The following GBF1 variants were observed in gnomAD, a reference collection of about 807,000 sequenced individuals.
GBF1 encodes Golgi-specific brefeldin A-resistance guanine nucleotide exchange factor 1.
Under a neutral mutation model 210.5 loss-of-function variants are expected in GBF1, and 114 were observed. The observed-to-expected ratio is 0.54, with a 90% confidence interval of 0.47 to 0.63. The LOEUF is 0.63. GBF1 is among the 30% of genes least tolerant of loss of function. The pLI, the probability that GBF1 is intolerant of heterozygous loss-of-function variation, is 0.00. For missense variants in GBF1, 1,851 were observed against 2,357.7 expected (o/e 0.79, Z 4.45); for synonymous variants, 850 against 889.2 (o/e 0.96, Z 0.78).
chr10:102,366,960 G>A lies in GBF1; in HGVS notation c.2434-125G>A. On this transcript the variant is annotated intron_variant, in intron 19 of 39. Transcript: ENST00000369983. The surrounding 1 kb of genome is among the most constrained non-coding windows in gnomAD (Gnocchi z 4.0). Reference sequence around the variant, plus strand: ...GAGATCAGCTTCTGTTAAGGAGTTGGCAAGAGACTGGCCACTTTCTGGATG... The same window carrying A: ...GAGATCAGCTTCTGTTAAGGAGTTGACAAGAGACTGGCCACTTTCTGGATG... The A allele has an allele frequency of 2.0e-6, 2 of 1,018,622 alleles. No homozygotes were observed. The highest frequency in any genetic ancestry group is 2.4e-5 in the East Asian group (1 of 41,494). 63.1% of individuals were successfully genotyped at this position (1,018,622 alleles called of 1,614,324 possible).
At chr10:102,337,256 T>TAA (rs1326506525) in intron 3 of GBF1, among the ~76,000 whole-genome samples, 1 of 132,794 alleles carries the variant, frequency 7.5e-6, no homozygotes, top group East Asian at 2.2e-4. Flanking sequence ...TGGGCGCCTG[T>TAA]AGTCCCAGGT....
chr10:102,291,624 T>C (rs1054006312), intron 3 of GBF1, among the ~76,000 whole-genome samples: 2 of 152,204 alleles, frequency 1.3e-5, no homozygotes, highest in Non-Finnish European at 2.9e-5. Flanking sequence ...TCTGTTAGAC[T>C]GAGGTGACCA....
chr10:102,237,151 T>C, the GBF1 span, among the ~76,000 whole-genome samples: 1 of 152,072 alleles, frequency 6.6e-6, no homozygotes, highest in Non-Finnish European at 1.5e-5. Context: ...AGAGACCCTA[T>C]CTTGTAGGAG....
chr10:102,250,524 ATTTT>A (rs60331671), intron 1 of GBF1, among the ~76,000 whole-genome samples: 9 of 143,484 alleles, frequency 6.3e-5, no homozygotes, highest in African/African-American at 7.8e-5. Context: ...TGTCCCACTA[ATTTT>A]TTTTTTTTTT....
In GBF1 at chr10:102,369,727, A is replaced by C. The variant is rs533700226; in HGVS notation, c.3167A>C (p.Asp1056Ala). 6.2e-7 allele frequency: 1 copy of C among 1,614,116 alleles called. No individual in the cohort carries two copies. Among genetic ancestry groups the C allele is most frequent in the African/African-American group, 1.3e-5 (1 of 75,058 alleles). The stretch of plus-strand genomic sequence containing the variant: ...CTTTTCCAGGTAGAAGATTTCGTGG[A>C]TCCCAATGGCAAGATCTCTCTACAG... ...KAMIEVEDFV[D>A]PNGKISLQRE... Residue 1056 changes from aspartate to alanine, a missense_variant, in exon 25 of 40, where the codon GAT (aspartate) becomes GCT (alanine). By Grantham distance (126) the Asp-to-Ala change is moderately radical. Transcript: ENST00000369983.
chr10:102,358,468 T>C (rs1362906188), intron 9 of GBF1, 38 bp from the exon 10 acceptor site: 5 of 1,462,764 alleles, frequency 3.4e-6, no homozygotes, highest in Non-Finnish European at 4.8e-6. Context: ...CCACAGCCTC[T>C]TTCTTCTCCT....
intron 32 of GBF1, 31 bp from the exon 33 acceptor site, chr10:102,376,904 A>G: frequency 6.2e-7 from 1 of 1,612,716 alleles, no homozygotes; most frequent in South Asian, 1.1e-5. Context: ...ATATAGACAC[A>G]GAAATGTGAC....
chr10:102,329,659 T>C (rs1018237854), intron 3 of GBF1, among the ~76,000 whole-genome samples: 1 of 150,864 alleles, frequency 6.6e-6, no homozygotes, highest in Non-Finnish European at 1.5e-5. Context: ...GAGATAGGGT[T>C]TCACCGTGTT....
intron 3 of GBF1, among the ~76,000 whole-genome samples, chr10:102,273,638 G>T (rs143051877): frequency 6.6e-6 from 1 of 152,326 alleles, no homozygotes; most frequent in African/African-American, 2.4e-5. Flanking sequence ...TTGACATTCT[G>T]TGAAGGACTC....
Position 102,361,609 on chromosome 10 carries a change from C to A in GBF1, c.1492-109C>A, listed in dbSNP as rs866096667. Reference sequence around the variant, plus strand: ...CCTTTGGGTGTCTCTTAATACATGCCTCTAGGCTGGGCTTCTGCATCCTGT... The same window carrying A: ...CCTTTGGGTGTCTCTTAATACATGCATCTAGGCTGGGCTTCTGCATCCTGT... On this transcript the variant is annotated intron_variant, in intron 13 of 39. Coordinates refer to ENST00000369983, the MANE Select transcript of GBF1 (RefSeq NM_001377137.1). The A allele has an allele frequency of 4.3e-6, 3 of 702,752 alleles. No individual in the cohort carries two copies. In the African/African-American group the frequency reaches 5.4e-5, roughly 13 times the overall value. The allele number at this position is 702,752 out of a possible 1,614,324, so 43.5% of individuals were successfully genotyped here. A position where few individuals can be genotyped will look rare whatever the true frequency, so the allele number is the denominator to read the frequency against.
At chr10:102,253,202 T>A (rs922285499) in intron 1 of GBF1, among the ~76,000 whole-genome samples, 1 of 152,178 alleles carries the variant, frequency 6.6e-6, no homozygotes, top group African/African-American at 2.4e-5. Flanking sequence ...GCCGAGGGGC[T>A]ATTTTAGACA....
Position 102,370,453 on chromosome 10 carries a change from C to A in GBF1, c.3481C>A (p.Leu1161Met). 1.2e-6 allele frequency: 2 copies of A among 1,612,422 alleles called. No homozygotes were observed. Among genetic ancestry groups the A allele is most frequent in the Non-Finnish European group, 1.7e-6 (2 of 1,178,408 alleles). The part of the protein sequence containing the change: ...EEDAAFCLEM[L>M]LRIVLENRDR... ...AGATGCTGCTTTCTGCCTAGAGATG[C>A]TGCTAAGGATTGTGTTGGAGAACAG... The change falls in exon 28 of 40, where the codon CTG becomes ATG. Residue 1161 changes from leucine to methionine, a missense_variant. Around this residue, in one of 3 missense-constraint regions of GBF1, gnomAD observed 967 missense variants for 1,247.7 expected, o/e 0.78. Transcript: ENST00000369983.
At chr10:102,287,344 C>CTTTTTTTTTTTT (rs763880492) in intron 3 of GBF1, among the ~76,000 whole-genome samples, 6 of 69,524 alleles carry the variant, frequency 8.6e-5, no homozygotes, top group African/African-American at 2.7e-4. Flanking sequence ...ATTTTATTTT[C>CTTTTTTTTTTTT]TTTTTTTTTT....
At chr10:102,276,488 T>C (rs1477850867) in intron 3 of GBF1, among the ~76,000 whole-genome samples, 1 of 145,746 alleles carries the variant, frequency 6.9e-6, no homozygotes, top group Non-Finnish European at 1.5e-5. Flanking sequence ...ATTGCACCAC[T>C]GCACTCCAGC....
At chr10:102,288,713 G>A (rs1285312396) in intron 3 of GBF1, among the ~76,000 whole-genome samples, 8 of 124,296 alleles carry the variant, frequency 6.4e-5, no homozygotes, top group Admixed American at 1.0e-4. Context: ...GCGAGACTCC[G>A]TCTCAAAGGA....
intron 22 of GBF1, 50 bp from the exon 23 acceptor site, chr10:102,368,689 T>G: frequency 7.7e-7 from 1 of 1,306,078 alleles, no homozygotes; most frequent in Non-Finnish European, 1.1e-6. Flanking sequence ...TTGGAAGGGC[T>G]GCTTGGCCTT....
At chr10:102,310,352 TG>T (rs2133968672) in intron 3 of GBF1, among the ~76,000 whole-genome samples, 1 of 152,360 alleles carries the variant, frequency 6.6e-6, no homozygotes, top group South Asian at 2.1e-4. Flanking sequence ...TTCCTGATTT[TG>T]GTTTTTCAGA....
In GBF1 at chr10:102,381,005, A is replaced by AG; in HGVS notation, c.5174-121dup. The AG allele has an allele frequency of 3.2e-6, 3 of 927,004 alleles. No homozygotes were observed. In the East Asian group the frequency reaches 7.3e-5, roughly 23 times the overall value. The allele number at this position is 927,004 out of a possible 1,614,324, so 57.4% of individuals were successfully genotyped here. A position where few individuals can be genotyped will look rare whatever the true frequency, so the allele number is the denominator to read the frequency against. On this transcript the variant is annotated intron_variant, in intron 38 of 39. Transcript: ENST00000369983. ...ACGAGATTCCATCTCAAAAAAAAAA[A>AG]GTCCCCAAAGCTGAATTTATTGTCT... is the stretch of plus-strand genomic sequence containing the variant.
chr10:102,369,839 G>C, intron 25 of GBF1, 22 bp from the exon 26 acceptor site: 2 of 1,614,154 alleles, frequency 1.2e-6, no homozygotes, highest in Non-Finnish European at 1.7e-6. Context: ...GGCTCACCAG[G>C]CCATGTGCCC....
Sources: allele counts gnomAD v4.1 joint callset (sites outside exome capture counted in the v4.1 genomes callset), GRCh38; gene constraint gnomAD v4.1.1; regional missense constraint gnomAD v4.1.1; non-coding constraint Gnocchi (gnomAD v3.1); transcripts MANE v1.5; gene names NCBI Gene and HGNC (gene_info 2026-07-23, HGNC 2026-07-21).